HPSE2: variants seen among roughly 807,000 people sequenced by gnomAD.
HPSE2 encodes heparanase 2 (inactive).
A neutral mutation model predicts 60.5 loss-of-function variants in HPSE2; 38 were observed. That is an observed-to-expected ratio of 0.63 (90% CI 0.48 to 0.82). HPSE2 has a LOEUF of 0.82. HPSE2 is among the 40% of genes least tolerant of loss of function. HPSE2 has a pLI of 0.00. For missense variants in HPSE2, 713 were observed against 740.4 expected, an observed-to-expected ratio of 0.96 and a Z score of 0.43; for synonymous variants, 295 against 293.2, an observed-to-expected ratio of 1.01 and a Z score of -0.06.
At chr10:98,944,631 C>A (rs1399236721) in intron 3 of HPSE2, among the ~76,000 whole-genome samples, 1 of 152,070 alleles carries the variant, frequency 6.6e-6, no homozygotes, top group African/African-American at 2.4e-5. Context: ...ACATACTAAG[C>A]TTTAGAGGGG....
chr10:98,920,976 A>C (rs1954266443), intron 3 of HPSE2, among the ~76,000 whole-genome samples: 1 of 152,108 alleles, frequency 6.6e-6, no homozygotes, highest in African/African-American at 2.4e-5. Flanking sequence ...GTCAACACAC[A>C]AGAATTCTAG....
intron 3 of HPSE2, among the ~76,000 whole-genome samples, chr10:99,110,841 G>A (rs1844429457): frequency 6.6e-6 from 1 of 152,020 alleles, no homozygotes; most frequent in South Asian, 2.1e-4. Flanking sequence ...TTTCTCCTAT[G>A]TTGTCATCTA....
chr10:99,164,821 C>T (rs1363990309), intron 2 of HPSE2, among the ~76,000 whole-genome samples: 1 of 152,088 alleles, frequency 6.6e-6, no homozygotes, highest in South Asian at 2.1e-4. Flanking sequence ...TCAGGTGGCT[C>T]ACGCCTGTAA....
At chr10:99,154,249 G>A (rs1249042516) in intron 2 of HPSE2, among the ~76,000 whole-genome samples, 17 of 138,848 alleles carry the variant, frequency 1.2e-4, no homozygotes, top group Admixed American at 3.0e-4. Context: ...GAAATACAGA[G>A]AACGCCACAA....
At chr10:98,837,873 C>CAA (rs71488870) in intron 3 of HPSE2, among the ~76,000 whole-genome samples, 103 of 135,008 alleles carry the variant, frequency 7.6e-4, no homozygotes, top group South Asian at 3.4e-3. Context: ...GACTCCATCT[C>CAA]AAAAAAAAAA....
the HPSE2 span, among the ~76,000 whole-genome samples, chr10:99,298,185 A>G: frequency 2.0e-5 from 3 of 151,992 alleles, no homozygotes; most frequent in African/African-American, 4.8e-5. Context: ...AACGCTGTCT[A>G]CCCTTCCCTT....
intron 2 of HPSE2, among the ~76,000 whole-genome samples, chr10:99,154,278 G>C: frequency 7.5e-6 from 1 of 133,644 alleles, no homozygotes; most frequent in Non-Finnish European, 1.6e-5. Context: ...CTCGAGAAGA[G>C]CAACTCCAAG....
chr10:99,003,926 C>T (rs1341287197), intron 3 of HPSE2, among the ~76,000 whole-genome samples: 1 of 151,928 alleles, frequency 6.6e-6, no homozygotes, highest in Non-Finnish European at 1.5e-5. Context: ...GTTTCAGATT[C>T]TAAATTTAAG....
At chr10:98,960,773 T>A (rs576093451) in intron 3 of HPSE2, among the ~76,000 whole-genome samples, 27 of 142,214 alleles carry the variant, frequency 1.9e-4, no homozygotes, top group Non-Finnish European at 3.8e-4. Context: ...AGTTTTAGGG[T>A]ACATGTGCAT....
intron 3 of HPSE2, among the ~76,000 whole-genome samples, chr10:98,960,402 A>T (rs1302259307): frequency 6.6e-6 from 1 of 152,128 alleles, no homozygotes; most frequent in Non-Finnish European, 1.5e-5. Context: ...TTGTTTTTCC[A>T]TTTATAGTAG....
At chr10:99,072,334 A>G (rs999381732) in intron 3 of HPSE2, among the ~76,000 whole-genome samples, 13 of 115,000 alleles carry the variant, frequency 1.1e-4, no homozygotes, top group Non-Finnish European at 1.9e-4. Context: ...TTTGCACAGC[A>G]AAAGAAACTA....
At chr10:98,965,793 C>A (rs1023195299) in intron 3 of HPSE2, among the ~76,000 whole-genome samples, 1 of 152,198 alleles carries the variant, frequency 6.6e-6, no homozygotes, top group Non-Finnish European at 1.5e-5. Context: ...CAGAATATAT[C>A]ATTCTAGTAA....
chr10:98,830,937 C>G (rs1951669431), intron 3 of HPSE2, among the ~76,000 whole-genome samples: 1 of 152,120 alleles, frequency 6.6e-6, no homozygotes, highest in Admixed American at 6.6e-5. Context: ...AAAATTTCAG[C>G]CCAGATTTAG....
intron 4 of HPSE2, among the ~76,000 whole-genome samples, chr10:98,723,722 T>C (rs1384881464): frequency 6.6e-6 from 1 of 152,216 alleles, no homozygotes; most frequent in Non-Finnish European, 1.5e-5. Flanking sequence ...AATTTACCCA[T>C]TACTTCTAGA....
At chr10:98,481,724 A>G (rs1941243981) in intron 11 of HPSE2, among the ~76,000 whole-genome samples, 1 of 152,194 alleles carries the variant, frequency 6.6e-6, no homozygotes, top group African/African-American at 2.4e-5. Flanking sequence ...GTGAATAATT[A>G]TAGCACAAAT....
chr10:98,894,120 A>T (rs528863159), intron 3 of HPSE2, among the ~76,000 whole-genome samples: 24 of 152,316 alleles, frequency 1.6e-4, no homozygotes, highest in Admixed American at 1.2e-3. Context: ...TTTATTCTTA[A>T]GTGGTCATAG....
intron 4 of HPSE2, among the ~76,000 whole-genome samples, chr10:98,733,226 T>A (rs1358021423): frequency 6.6e-6 from 1 of 152,100 alleles, no homozygotes; most frequent in Non-Finnish European, 1.5e-5. Context: ...GCTCAAGTGA[T>A]CCTCCCACCT....
intron 9 of HPSE2, among the ~76,000 whole-genome samples, chr10:98,524,840 G>T (rs1564939536): frequency 3.3e-5 from 5 of 152,056 alleles, no homozygotes; most frequent in Admixed American, 2.0e-4. Flanking sequence ...TATTAGCATT[G>T]AAATCTTACA....
chr10:98,825,408 G>A (rs927848779), intron 3 of HPSE2, among the ~76,000 whole-genome samples: 1 of 152,194 alleles, frequency 6.6e-6, no homozygotes, highest in African/African-American at 2.4e-5. Context: ...TTAAGTGTTT[G>A]CTCTTCCTCG....
Sources: gnomAD v4.1 joint callset for allele counts (sites outside exome capture counted in the v4.1 genomes callset) on GRCh38, gnomAD v4.1.1 for gene constraint, MANE v1.5 for transcripts, NCBI Gene and HGNC (gene_info 2026-07-23, HGNC 2026-07-21) for gene names.